CIMIP2A: variants seen among roughly 807,000 people sequenced by gnomAD.
CIMIP2A encodes the protein ciliary microtubule inner protein 2A.
the CIMIP2A span, chr9:137,244,432 C>G: frequency 6.6e-7 from 1 of 1,523,750 alleles, no homozygotes. Flanking sequence ...CCCCTACCCC[C>G]GACTCCAAAA....
the CIMIP2A span, chr9:137,252,827 G>GC: frequency 6.4e-7 from 1 of 1,569,248 alleles, no homozygotes; most frequent in Admixed American, 1.9e-5. Flanking sequence ...CCTGCTTCAG[G>GC]CCTCTTTGCA....
chr9:137,245,668 A>G, the CIMIP2A span: 2 of 1,605,870 alleles, frequency 1.2e-6, no homozygotes, highest in South Asian at 1.1e-5. Context: ...GGGCTCCGTC[A>G]GGTCTTGGCA....
At chr9:137,245,189 T>G in the CIMIP2A span, 8 of 772,388 alleles carry the variant, frequency 1.0e-5, no homozygotes, top group Admixed American at 4.4e-5. Flanking sequence ...GGGCGGGGGG[T>G]GGGTACTCAT....
At chr9:137,252,060 CAGGTGCCG>C in the CIMIP2A span, 1 of 1,613,138 alleles carries the variant, frequency 6.2e-7, no homozygotes, top group Non-Finnish European at 8.5e-7. Flanking sequence ...CACCAGGTAC[CAGGTGCCG>C]AGCCCGTCCG....
the CIMIP2A span, among the ~76,000 whole-genome samples, chr9:137,254,683 A>G: frequency 6.6e-6 from 1 of 151,818 alleles, no homozygotes; most frequent in South Asian, 2.1e-4. Context: ...CGGGCTGGAG[A>G]GGCGGGGAGG....
the CIMIP2A span, among the ~76,000 whole-genome samples, chr9:137,248,974 C>G: frequency 1.3e-5 from 2 of 150,990 alleles, 1 homozygote; most frequent in South Asian, 4.2e-4. Flanking sequence ...TCTCACAAAA[C>G]AAAGATATAA....
At chr9:137,244,526 C>G in the CIMIP2A span, 1 of 1,521,184 alleles carries the variant, frequency 6.6e-7, no homozygotes, top group Non-Finnish European at 8.9e-7. Flanking sequence ...AGGCAGAGCC[C>G]CCTCCTCAGG....
the CIMIP2A span, chr9:137,244,256 G>C: frequency 9.9e-6 from 16 of 1,613,700 alleles, no homozygotes; most frequent in African/African-American, 1.9e-4. Flanking sequence ...GCAGCTTCTC[G>C]CCCAGGTCAC....
chr9:137,249,654 C>T, the CIMIP2A span, among the ~76,000 whole-genome samples: 2 of 152,198 alleles, frequency 1.3e-5, no homozygotes, highest in African/African-American at 2.4e-5. Context: ...ATGCTGACAT[C>T]AGGAAGCTTC....
chr9:137,252,177 C>G, the CIMIP2A span: 1 of 1,579,164 alleles, frequency 6.3e-7, no homozygotes, highest in Non-Finnish European at 8.6e-7. Flanking sequence ...GGGCCTGTCC[C>G]TCACCCTGGG....
chr9:137,252,552 G>A, the CIMIP2A span: 4 of 1,531,330 alleles, frequency 2.6e-6, no homozygotes, highest in South Asian at 1.2e-5. Flanking sequence ...GAAGGGGGCG[G>A]GGAGTCCACG....
At chr9:137,247,629 C>T in the CIMIP2A span, 1 of 1,607,854 alleles carries the variant, frequency 6.2e-7, no homozygotes, top group Non-Finnish European at 8.5e-7. Flanking sequence ...CAGCCCTGGC[C>T]CCAGCCACCT....
chr9:137,245,985 G>A, the CIMIP2A span: 1 of 634,806 alleles, frequency 1.6e-6, no homozygotes, highest in Non-Finnish European at 2.5e-6. Flanking sequence ...CAGCTCGCCT[G>A]CCCTCTGCTC....
At chr9:137,250,021 C>A in the CIMIP2A span, among the ~76,000 whole-genome samples, 17 of 152,194 alleles carry the variant, frequency 1.1e-4, no homozygotes, top group African/African-American at 3.6e-4. Flanking sequence ...GGAGCTCTCA[C>A]CCTGTGGGAT....
chr9:137,253,436 C>T, the CIMIP2A span: 4 of 1,441,300 alleles, frequency 2.8e-6, no homozygotes, highest in Non-Finnish European at 3.6e-6. Context: ...CCTGGATCCC[C>T]CATCTGCCCA....
the CIMIP2A span, chr9:137,247,885 ACT>A: frequency 1.5e-6 from 1 of 652,874 alleles, no homozygotes; most frequent in South Asian, 1.8e-5. Context: ...CAGGTGAGAC[ACT>A]GAGGCCCAGA....
chr9:137,243,732 TCC>T, the CIMIP2A span: 1 of 1,614,132 alleles, frequency 6.2e-7, no homozygotes, highest in East Asian at 2.2e-5. Flanking sequence ...GCCCATTCCT[TCC>T]AGTAGGCCCT....
the CIMIP2A span, chr9:137,244,770 C>T: frequency 6.2e-7 from 1 of 1,604,044 alleles, no homozygotes; most frequent in Non-Finnish European, 8.5e-7. Flanking sequence ...CTACCCCAAG[C>T]CCCCTTAGCC....
chr9:137,252,719 T>C, the CIMIP2A span: 2 of 1,554,112 alleles, frequency 1.3e-6, no homozygotes, highest in Non-Finnish European at 1.7e-6. Flanking sequence ...CGCCTTCAGC[T>C]TCAGAGGCTG....
Sources: gnomAD v4.1 joint callset for allele counts (sites outside exome capture counted in the v4.1 genomes callset) on GRCh38, gnomAD v4.1.1 for gene constraint, MANE v1.5 for transcripts, NCBI Gene and HGNC (gene_info 2026-07-23, HGNC 2026-07-21) for gene names.